The following SLC26A5 variants were observed in gnomAD, a reference collection of about 807,000 sequenced individuals.
SLC26A5 encodes prestin.
A neutral mutation model predicts 81.0 loss-of-function variants in SLC26A5; 51 were observed. The ratio of observed to expected loss-of-function variants is 0.63; its 90% CI spans 0.50 to 0.80. SLC26A5 has a LOEUF of 0.80. Among genes scored for constraint, SLC26A5 ranks in the 30% least tolerant of loss-of-function variants. The pLI is 0.00. For synonymous variants in SLC26A5, 325 were observed against 332.8 expected, an observed-to-expected ratio of 0.98 and a Z score of 0.25; for missense variants, 771 against 905.8, an observed-to-expected ratio of 0.85 and a Z score of 1.91.
chr7:103,379,951 A>G (rs10226737), intron 15 of SLC26A5, among the ~76,000 whole-genome samples: 8,962 of 152,114 alleles, frequency 0.059, 884 homozygotes, highest in African/African-American at 0.21. Flanking sequence ...TAATACCTTA[A>G]AGTGAGTCTG....
chr7:103,410,499 C>A lies in SLC26A5; in HGVS notation c.621G>T (p.Glu207Asp), dbSNP rs1282526956. The A allele has an allele frequency of 6.2e-7, 1 of 1,614,016 alleles. No homozygotes were observed. Reference protein sequence around the residue: ...RFGFVAIYLTEPLVRGFTTAA... With the variant: ...RFGFVAIYLTDPLVRGFTTAA... ...CGGTGGTAAACCCACGGACCAGAGG[C>A]TCTGTGAGATATATGGCCACAAATC... The change falls in exon 7 of 20, where the codon GAG becomes GAT. Residue 207 changes from glutamate (E) to aspartate (D), a missense_variant. Coordinates refer to ENST00000306312, the MANE Select transcript of SLC26A5 (RefSeq NM_198999.3).
At chr7:103,434,643 TTTTA>T (rs66948143) in intron 2 of SLC26A5, among the ~76,000 whole-genome samples, 57,947 of 150,668 alleles carry the variant, frequency 0.38, 15,092 homozygotes, top group African/African-American at 0.73. Flanking sequence ...AAGAGATTAT[TTTTA>T]TTTATTTATT....
At chr7:103,352,967 C>G (rs1174731565) in intron 19 of SLC26A5, 10 of 780,292 alleles carry the variant, frequency 1.3e-5, no homozygotes, top group Non-Finnish European at 2.4e-5. Context: ...TAGTTGTGAA[C>G]TTAAATTTTT....
chr7:103,360,142 A>G (rs1337993802), intron 19 of SLC26A5, among the ~76,000 whole-genome samples: 2 of 151,806 alleles, frequency 1.3e-5, no homozygotes, highest in African/African-American at 4.8e-5. Context: ...GACAATTTCT[A>G]TTGACTGATT....
intron 19 of SLC26A5, chr7:103,355,797 T>G: frequency 6.2e-7 from 1 of 1,602,474 alleles, no homozygotes; most frequent in Non-Finnish European, 8.5e-7. Flanking sequence ...TTGCCAGGTA[T>G]GCACGGGTGC....
At chr7:103,391,502 C>G (rs567844061) in intron 11 of SLC26A5, 120 bp downstream of exon 11, 1 of 785,418 alleles carries the variant, frequency 1.3e-6, no homozygotes, top group East Asian at 2.7e-5. Flanking sequence ...CCCTACACAG[C>G]TCACTGGAGC....
In SLC26A5 at chr7:103,374,459, C is replaced by T. The variant is rs138320783; in HGVS notation, c.2175G>A (p.Ser725=). 29 of 1,613,004 alleles carry T rather than the reference C, an allele frequency of 1.8e-5. No individual in the cohort carries two copies. The African/African-American group carries it at 2.5e-4, about 14-fold the overall frequency. The stretch of plus-strand genomic sequence containing the variant: ...CCAAGTCCTCCTGGGAAGGGGGAGC[C>T]GAGGCTTCCTGTTCAGCAAGTGCCT... The part of the protein sequence containing the change: ...LREALAEQEA[S]APPSQEDLEP... The change falls in exon 20 of 20, where the codon TCG becomes TCA. Residue 725 remains serine (S), a synonymous_variant. Coordinates refer to ENST00000306312, the MANE Select transcript of SLC26A5 (RefSeq NM_198999.3).
At chr7:103,404,044 G>C (rs191072755) in intron 8 of SLC26A5, among the ~76,000 whole-genome samples, 38 of 152,226 alleles carry the variant, frequency 2.5e-4, no homozygotes, top group African/African-American at 7.9e-4. Context: ...CTAGCTGGGC[G>C]TGGTGGCAGG....
intron 2 of SLC26A5, among the ~76,000 whole-genome samples, chr7:103,423,757 G>T (rs972200563): frequency 1.3e-5 from 2 of 152,192 alleles, no homozygotes; most frequent in Admixed American, 1.3e-4. Flanking sequence ...AGAACTGTGA[G>T]AAATAAATTT....
chr7:103,363,299 A>G (rs377687507), intron 19 of SLC26A5: 148 of 1,485,988 alleles, frequency 1.0e-4, no homozygotes, highest in Admixed American at 1.9e-4. Context: ...GACAGTATCC[A>G]AAAAGCCTGT....
intron 14 of SLC26A5, among the ~76,000 whole-genome samples, chr7:103,384,230 G>C (rs373230814): frequency 6.6e-6 from 1 of 152,006 alleles, no homozygotes; most frequent in South Asian, 2.1e-4. Flanking sequence ...CAATCCTCCT[G>C]CCTTGGCCTC....
rs769588977 is a variant in SLC26A5 at position 103,376,857 on chromosome 7, T to C, written c.1992A>G (p.Val664=). The C allele has an allele frequency of 1.3e-6, 2 of 1,595,972 alleles. No homozygotes were observed. Among genetic ancestry groups the C allele is most frequent in the South Asian group, 2.2e-5 (2 of 90,646 alleles). ...ATATACCGACGTCTCCATATTCTTT[T>C]ACAATCTGTAATAATGTTGAAATAA... The part of the protein sequence containing the change: ...SVGVKTLAGI[V]KEYGDVGIYV... The change falls in exon 19 of 20, where the codon GTA becomes GTG. Residue 664 remains valine, a synonymous_variant. Coordinates refer to ENST00000306312, the MANE Select transcript of SLC26A5 (RefSeq NM_198999.3).
At chr7:103,385,886 T>G (rs575836047) in intron 14 of SLC26A5, among the ~76,000 whole-genome samples, 1 of 151,506 alleles carries the variant, frequency 6.6e-6, no homozygotes, top group South Asian at 2.1e-4. Context: ...ATTTCTGGTA[T>G]GGATGGGGTT....
chr7:103,419,758 G>A (rs986464720), intron 4 of SLC26A5, among the ~76,000 whole-genome samples: 3 of 151,746 alleles, frequency 2.0e-5, no homozygotes, highest in South Asian at 2.1e-4. Context: ...GGCTGATCTC[G>A]AACTCCTGAC....
intron 8 of SLC26A5, among the ~76,000 whole-genome samples, chr7:103,402,601 A>G (rs1286177383): frequency 1.3e-5 from 2 of 151,794 alleles, no homozygotes; most frequent in Admixed American, 6.6e-5. Context: ...GGATTTCACC[A>G]TGTTGGCCAA....
At chr7:103,386,285 C>T (rs537777606) in intron 14 of SLC26A5, among the ~76,000 whole-genome samples, 21 of 151,786 alleles carry the variant, frequency 1.4e-4, no homozygotes, top group East Asian at 9.7e-4. Flanking sequence ...TTATGATAAC[C>T]GGCCGGGCAC....
chr7:103,369,644 T>C (rs894880568), downstream of SLC26A5, among the ~76,000 whole-genome samples: 1 of 152,224 alleles, frequency 6.6e-6, no homozygotes, highest in African/African-American at 2.4e-5. Flanking sequence ...AGCATGTTTG[T>C]ACTCAAAGAG....
intron 5 of SLC26A5, 47 bp downstream of exon 5, chr7:103,412,955 G>T: frequency 7.4e-7 from 1 of 1,342,570 alleles, no homozygotes; most frequent in Non-Finnish European, 1.1e-6. Flanking sequence ...TTGCAAGGTT[G>T]GAAATACACA....
chr7:103,433,876 T>C (rs1826261697), intron 2 of SLC26A5, among the ~76,000 whole-genome samples: 1 of 151,992 alleles, frequency 6.6e-6, no homozygotes, highest in South Asian at 2.1e-4. Flanking sequence ...CTAATTTTTG[T>C]ATTTTTAGTA....
Sources: allele counts gnomAD v4.1 joint callset (sites outside exome capture counted in the v4.1 genomes callset), GRCh38; gene constraint gnomAD v4.1.1; transcripts MANE v1.5; gene names NCBI Gene and HGNC (gene_info 2026-07-23, HGNC 2026-07-21).